EDNRA: variants seen among roughly 807,000 people sequenced by gnomAD.
The protein encoded by EDNRA is endothelin receptor type A.
EDNRA carries 11 observed loss-of-function variants against 41.4 expected under a neutral mutation model. The ratio of observed to expected loss-of-function variants is 0.27; its 90% CI spans 0.17 to 0.44. The LOEUF (loss-of-function observed/expected upper bound fraction) is 0.44. EDNRA is among the 20% of genes least tolerant of loss of function. The pLI, the probability that EDNRA is intolerant of heterozygous loss-of-function variation, is 1.00. For synonymous variants in EDNRA, 172 were observed against 183.0 expected (o/e 0.94, Z 0.49); for missense variants, 294 against 531.0 (o/e 0.55, Z 4.39).
At chr4:147,533,228 T>C (rs1043589387) in intron 4 of EDNRA, among the ~76,000 whole-genome samples, 6 of 152,230 alleles carry the variant, frequency 3.9e-5, no homozygotes, top group African/African-American at 1.2e-4. Flanking sequence ...ATGTCTAATA[T>C]ACAAATAATA....
intron 2 of EDNRA, among the ~76,000 whole-genome samples, chr4:147,508,194 A>C (rs1729791815): frequency 1.3e-5 from 2 of 152,112 alleles, no homozygotes; most frequent in African/African-American, 4.8e-5. Context: ...GCTGAAGTGC[A>C]GTGGGGCAAT....
At chr4:147,493,548 G>A (rs1434818052) in intron 2 of EDNRA, 8 of 152,146 alleles carry the variant, frequency 5.3e-5, no homozygotes, top group African/African-American at 1.9e-4. Context: ...TATACTGCCA[G>A]AAATTCTACA....
intron 2 of EDNRA, among the ~76,000 whole-genome samples, chr4:147,513,080 G>A (rs992747770): frequency 2.0e-5 from 3 of 152,178 alleles, no homozygotes; most frequent in African/African-American, 7.2e-5. Context: ...AATGTCAAAA[G>A]ATCAGGAAGA....
chr4:147,513,492 G>A (rs1472524627), intron 2 of EDNRA, among the ~76,000 whole-genome samples: 1 of 152,196 alleles, frequency 6.6e-6, no homozygotes, highest in Non-Finnish European at 1.5e-5. Context: ...CAGAGAGCAC[G>A]TTCTCATAAA....
intron 3 of EDNRA, among the ~76,000 whole-genome samples, chr4:147,529,472 C>T (rs1181994372): frequency 6.6e-6 from 1 of 152,032 alleles, no homozygotes; most frequent in East Asian, 1.9e-4. Context: ...CAGACAAATC[C>T]AATACTAAGA....
chr4:147,536,051 A>T, intron 5 of EDNRA, 22 bp downstream of exon 5: 1 of 1,613,596 alleles, frequency 6.2e-7, no homozygotes, highest in Non-Finnish European at 8.5e-7. Flanking sequence ...AACATCATGA[A>T]AATCTGGCCA....
chr4:147,495,353 A>C (rs1031885128), intron 2 of EDNRA: 1 of 152,244 alleles, frequency 6.6e-6, no homozygotes, highest in Non-Finnish European at 1.5e-5. Context: ...CAAAGAAGAA[A>C]ATCATTTCCT....
rs199606795 is a variant in EDNRA, at chr4:147,536,041, A to G, written c.900+12A>G. On this transcript the variant is annotated intron_variant, in intron 5 of 7. Coordinates refer to ENST00000651419, the MANE Select transcript of EDNRA (RefSeq NM_001957.4). ...AACATCTTAAGCAGGTAAATCCCAT[A>G]ACATCATGAAAATCTGGCCAGGACT... 34 of 1,613,722 alleles carry G rather than the reference A, an allele frequency of 2.1e-5. No individual in the cohort carries two copies. In the East Asian group the frequency reaches 7.4e-4, roughly 35 times the overall value.
chr4:147,502,486 A>T (rs1729549572), intron 2 of EDNRA, among the ~76,000 whole-genome samples: 1 of 152,252 alleles, frequency 6.6e-6, no homozygotes, highest in African/African-American at 2.4e-5. Flanking sequence ...TCCATCTTCA[A>T]CTTGAACAGC....
At chr4:147,532,768 C>G in intron 4 of EDNRA, 64 bp downstream of exon 4, 2 of 1,514,294 alleles carry the variant, frequency 1.3e-6, no homozygotes, top group Non-Finnish European at 1.8e-6. Flanking sequence ...ACTTCACCAT[C>G]TTGAGACTTG....
At chr4:147,530,924 G>A (rs1274507194) in intron 3 of EDNRA, among the ~76,000 whole-genome samples, 1 of 152,050 alleles carries the variant, frequency 6.6e-6, no homozygotes, top group Non-Finnish European at 1.5e-5. Context: ...ACTATAAAAC[G>A]AAAATGTTTC....
Position 147,532,661 on chromosome 4 carries a change from A to G in EDNRA, c.704A>G (p.Gln235Arg). ...VMVPFEYRGE[Q>R]HKTCMLNATS... ...GTACCCTTTGAATATAGGGGTGAAC[A>G]GCATAAAACCTGTATGCTCAATGCC... The change falls in exon 4 of 8, where the codon CAG (glutamine) becomes CGG (arginine). Residue 235 changes from glutamine (Q) to arginine (R), a missense_variant. Gln to Arg is a conservative substitution (Grantham distance 43). Transcript: ENST00000651419. 3.7e-6 allele frequency: 6 copies of G among 1,614,176 alleles called. No individual in the cohort carries two copies. The highest frequency in any genetic ancestry group is 5.1e-6 in the Non-Finnish European group (6 of 1,180,022).
At chr4:147,513,717 G>A (rs945428882) in intron 2 of EDNRA, among the ~76,000 whole-genome samples, 5 of 152,174 alleles carry the variant, frequency 3.3e-5, no homozygotes, top group African/African-American at 1.2e-4. Flanking sequence ...ATATTGAAGG[G>A]AAGAGAAGGT....
At chr4:147,520,004 T>G in intron 3 of EDNRA, 26 bp downstream of exon 3, 1 of 1,588,362 alleles carries the variant, frequency 6.3e-7, no homozygotes, top group Non-Finnish European at 8.6e-7. Flanking sequence ...CCCTTTGCTC[T>G]TTGGCTGGGC....
At chr4:147,516,181 A>C (rs942174288) in intron 2 of EDNRA, among the ~76,000 whole-genome samples, 4 of 152,220 alleles carry the variant, frequency 2.6e-5, no homozygotes, top group African/African-American at 7.2e-5. Flanking sequence ...CATGATGTAC[A>C]TTTAGACCAT....
At chr4:147,496,448 T>A (rs10305880) in intron 2 of EDNRA, among the ~76,000 whole-genome samples, 4,119 of 152,318 alleles carry the variant, frequency 0.027, 188 homozygotes, top group African/African-American at 0.091. Context: ...TTTTTAAACT[T>A]TTAAATATGT....
chr4:147,535,833 GA>G (rs1252265753), intron 4 of EDNRA, 43 bp from the exon 5 acceptor site: 1 of 1,598,356 alleles, frequency 6.3e-7, no homozygotes, highest in Non-Finnish European at 8.5e-7. Flanking sequence ...TAATTGACAT[GA>G]CTCTGCTCCT....
rs968973040 is a variant in EDNRA at position 147,486,799 on chromosome 4, G to C, written c.420+698G>C. Among the ~76,000 whole-genome samples the C allele has an allele frequency of 6.6e-6, 1 of 151,052 alleles. No homozygotes were observed. Among genetic ancestry groups the C allele is most frequent in the Non-Finnish European group, 1.5e-5 (1 of 67,900 alleles). On this transcript the variant is annotated intron_variant, in intron 2 of 7. Coordinates refer to ENST00000651419, the MANE Select transcript of EDNRA (RefSeq NM_001957.4). This position sits in a 1 kb window ranked among gnomAD's most constrained non-coding sequence, Gnocchi z 4.3. ...TGTGTGCCCACCCCTGAGCTAGGCAGTAAGGAACCAAAAAGAAACACAACA... is the reference window on the plus strand; with the variant it reads ...TGTGTGCCCACCCCTGAGCTAGGCACTAAGGAACCAAAAAGAAACACAACA...
At chr4:147,539,730 T>C in intron 5 of EDNRA, 87 bp from the exon 6 acceptor site, 2 of 1,414,416 alleles carry the variant, frequency 1.4e-6, no homozygotes, top group Admixed American at 4.4e-5. Context: ...CTTTCTCTGG[T>C]GTCTGCTACT....
Sources: allele counts gnomAD v4.1 joint callset (sites outside exome capture counted in the v4.1 genomes callset), GRCh38; gene constraint gnomAD v4.1.1; non-coding constraint Gnocchi (gnomAD v3.1); transcripts MANE v1.5; gene names NCBI Gene and HGNC (gene_info 2026-07-23, HGNC 2026-07-21).